The following QPCT variants were observed in gnomAD, a reference collection of about 807,000 sequenced individuals.
QPCT encodes glutaminyl-peptide cyclotransferase.
A neutral mutation model predicts 43.4 loss-of-function variants in QPCT; 44 were observed. The ratio of observed to expected loss-of-function variants is 1.01; its 90% confidence interval spans 0.80 to 1.30. The LOEUF is 1.30. Ranked by LOEUF, QPCT falls within the 50% of genes most tolerant of loss-of-function variation. QPCT has a pLI of 0.00. For missense variants in QPCT, 526 were observed against 436.5 expected, an observed-to-expected ratio of 1.21 and a Z score of -1.83; for synonymous variants, 168 against 168.4, an observed-to-expected ratio of 1.00 and a Z score of 0.02.
intron 3 of QPCT, among the ~76,000 whole-genome samples, chr2:37,362,237 G>A (rs537195410): frequency 1.3e-4 from 20 of 152,282 alleles, no homozygotes; most frequent in African/African-American, 1.9e-4. Flanking sequence ...AACCGGTCCC[G>A]TTCTGCCCTC....
intron 2 of QPCT, chr2:37,358,922 C>T (rs536147969): frequency 1.7e-4 from 26 of 152,460 alleles, no homozygotes; most frequent in African/African-American, 6.0e-4. Flanking sequence ...GTGTTCATTA[C>T]ATGTAAAGCA....
chr2:37,358,457 A>AAAACAAAACAAAACAAAAC (rs1399790703), intron 2 of QPCT, among the ~76,000 whole-genome samples: 2 of 152,152 alleles, frequency 1.3e-5, no homozygotes, highest in Admixed American at 1.3e-4. Context: ...AAAACAAAAC[A>AAAACAAAACAAAACAAAAC]AAACAAACAA....
chr2:37,354,026 G>A (rs1672682440), intron 2 of QPCT, among the ~76,000 whole-genome samples: 1 of 152,174 alleles, frequency 6.6e-6, no homozygotes, highest in Non-Finnish European at 1.5e-5. Flanking sequence ...CACCATGCCC[G>A]GCTAATTTTT....
intron 3 of QPCT, among the ~76,000 whole-genome samples, chr2:37,364,563 G>A (rs1397927372): frequency 6.6e-6 from 1 of 152,228 alleles, no homozygotes; most frequent in Non-Finnish European, 1.5e-5. Flanking sequence ...CTGTGGTGAG[G>A]AATGGTGGGA....
At chr2:37,360,390 A>G (rs1458002399) in intron 3 of QPCT, among the ~76,000 whole-genome samples, 2 of 152,214 alleles carry the variant, frequency 1.3e-5, no homozygotes, top group East Asian at 3.8e-4. Flanking sequence ...TTTATGTAGC[A>G]TAGCAGAGCT....
In QPCT at chr2:37,352,821, G is replaced by C. The variant is rs912263373; in HGVS notation, c.153G>C (p.Ser51=). Reference sequence around the variant, plus strand: ...ACCAGCCAGCCATTTTGAATTCATCGGCTCTTCGGCAAATTGCAGAAGGCA... The same window carrying C: ...ACCAGCCAGCCATTTTGAATTCATCCGCTCTTCGGCAAATTGCAGAAGGCA... ...NYHQPAILNS[S]ALRQIAEGTS... Residue 51 remains serine (S), a synonymous_variant, in exon 2 of 7, where the codon TCG becomes TCC. Coordinates refer to ENST00000338415, the MANE Select transcript of QPCT (RefSeq NM_012413.4). 1.9e-6 allele frequency: 3 copies of C among 1,614,016 alleles called. No homozygotes were observed. Among genetic ancestry groups the C allele is most frequent in the Non-Finnish European group, 2.5e-6 (3 of 1,179,956 alleles).
chr2:37,351,042 A>G (rs1672609310), intron 1 of QPCT, among the ~76,000 whole-genome samples: 1 of 152,214 alleles, frequency 6.6e-6, no homozygotes, highest in African/African-American at 2.4e-5. Context: ...CATGGTAAGT[A>G]CTGGAAAGTA....
At chr2:37,368,647 C>A (rs73924616) in intron 4 of QPCT, 2 of 470,992 alleles carry the variant, frequency 4.2e-6, no homozygotes, top group Non-Finnish European at 8.8e-6. Flanking sequence ...TCCTAATGGG[C>A]CAGGGGAATG....
At chr2:37,367,521 T>C in intron 4 of QPCT, 113 bp downstream of exon 4, 1 of 1,074,736 alleles carries the variant, frequency 9.3e-7, no homozygotes, top group Non-Finnish European at 1.3e-6. Context: ...GAGCACAGTG[T>C]TTATGATAGA....
At chr2:37,348,106 T>G (rs1672544347) in intron 1 of QPCT, among the ~76,000 whole-genome samples, 1 of 151,906 alleles carries the variant, frequency 6.6e-6, no homozygotes, top group African/African-American at 2.4e-5. Context: ...TGTTGTTGCA[T>G]TCTAATGGAA....
chr2:37,359,610 G>A lies in QPCT; in HGVS notation c.298G>A (p.Ala100Thr), dbSNP rs770410497. 6.2e-7 allele frequency: 1 copy of A among 1,614,030 alleles called. No homozygotes were observed. Among genetic ancestry groups the A allele is most frequent in the Non-Finnish European group, 8.5e-7 (1 of 1,179,998 alleles). Residue 100 changes from alanine (A) to threonine (T), a missense_variant, in exon 3 of 7, where the codon GCT (alanine) becomes ACT (threonine). Ala to Thr is a moderately conservative substitution (Grantham distance 58). Transcript: ENST00000338415. Reference protein sequence around the residue: ...HIMQRIQRLQADWVLEIDTFL... With the variant: ...HIMQRIQRLQTDWVLEIDTFL... ...CATGCAGCGAATTCAGAGGCTTCAG[G>A]CTGACTGGGTCTTGGAAATAGACAC... is the stretch of plus-strand genomic sequence containing the variant.
At chr2:37,352,698 T>G in intron 1 of QPCT, 91 bp from the exon 2 acceptor site, 1 of 1,451,626 alleles carries the variant, frequency 6.9e-7, no homozygotes, top group Non-Finnish European at 9.5e-7. Context: ...CTCCCTTATT[T>G]TGAAGTTTTA....
At chr2:37,353,601 A>G (rs865952077) in intron 2 of QPCT, among the ~76,000 whole-genome samples, 1 of 152,206 alleles carries the variant, frequency 6.6e-6, no homozygotes, top group Non-Finnish European at 1.5e-5. Context: ...TTCAAGACCC[A>G]TTGATTTTAC....
chr2:37,357,879 G>C lies in QPCT; in HGVS notation c.268-1701G>C, dbSNP rs937375584. ...AGGATAGAAAATCCTGTATTTCTTAGGAGGAAAAAAAAAATAAAAGCCCTC... is the reference window on the plus strand; with the variant it reads ...AGGATAGAAAATCCTGTATTTCTTACGAGGAAAAAAAAAATAAAAGCCCTC... On this transcript the variant is annotated intron_variant, in intron 2 of 6. Transcript: ENST00000338415. Among the ~76,000 whole-genome samples the C allele has an allele frequency of 4.2e-5, 6 of 143,236 alleles. No homozygotes were observed. In the East Asian group the frequency reaches 1.2e-3, roughly 28 times the overall value. The allele number at this position is 143,236 out of a possible 152,430, so 94.0% of individuals were successfully genotyped here.
rs186105673 is a variant in QPCT, at chr2:37,370,242, T to A, written c.823+458T>A. ...TGATTTAAATGTGTAATATACTTTATTGGCTTTTTTTCTTGCTTAATTGAT... is the reference window on the plus strand; with the variant it reads ...TGATTTAAATGTGTAATATACTTTAATGGCTTTTTTTCTTGCTTAATTGAT... On this transcript the variant is annotated intron_variant, in intron 5 of 6. Transcript: ENST00000338415. 6.6e-5 allele frequency among the ~76,000 whole-genome samples: 10 copies of A among 152,052 alleles called. No homozygotes were observed. The South Asian group carries it at 8.3e-4, about 13-fold the overall frequency.
At chr2:37,344,964 C>A in intron 1 of QPCT, 113 bp downstream of exon 1, 1 of 1,411,638 alleles carries the variant, frequency 7.1e-7, no homozygotes, top group Non-Finnish European at 9.2e-7. Flanking sequence ...GGCCACGGTC[C>A]CCAGCCCAGG....
Position 37,372,979 on chromosome 2 carries a change from T to A in QPCT, c.*152T>A. 1.6e-6 allele frequency: 1 copy of A among 615,344 alleles called. No homozygotes were observed. Among genetic ancestry groups the A allele is most frequent in the Non-Finnish European group, 2.6e-6 (1 of 387,722 alleles). 38.1% of individuals were successfully genotyped at this position (615,344 alleles called of 1,614,324 possible). A position where few individuals can be genotyped will look rare whatever the true frequency, so the allele number is the denominator to read the frequency against. ...ATGTGTCTTTGGTTATCAGATCAAT[T>A]ACAGAATAATTGTGTTGTGATATTG... On this transcript the variant is annotated 3_prime_UTR_variant, in exon 7 of 7. Transcript: ENST00000338415.
At chr2:37,370,265 G>T (rs981618190) in intron 5 of QPCT, among the ~76,000 whole-genome samples, 8 of 151,938 alleles carry the variant, frequency 5.3e-5, no homozygotes, top group African/African-American at 1.9e-4. Context: ...TTGCTTAATT[G>T]ATTAGTTTAT....
At chr2:37,356,264 T>TC (rs1479699324) in intron 2 of QPCT, among the ~76,000 whole-genome samples, 1 of 152,112 alleles carries the variant, frequency 6.6e-6, no homozygotes, top group Non-Finnish European at 1.5e-5. Flanking sequence ...TCTTCATCTT[T>TC]GTATTTTTTT....
Sources: allele counts gnomAD v4.1 joint callset (sites outside exome capture counted in the v4.1 genomes callset), GRCh38; gene constraint gnomAD v4.1.1; transcripts MANE v1.5; gene names NCBI Gene and HGNC (gene_info 2026-07-23, HGNC 2026-07-21).